IQANK1: variants seen among roughly 807,000 people sequenced by gnomAD.
IQANK1 encodes the protein IQ motif and ankyrin repeat domain-containing protein 1.
A neutral mutation model predicts 22.6 loss-of-function variants in IQANK1; 30 were observed. That is an observed-to-expected ratio of 1.33 (90% CI 0.99 to 1.80). The LOEUF is 1.80. Among genes scored for constraint, IQANK1 ranks in the 40% most tolerant of loss-of-function variants. The pLI is 0.00. For missense variants in IQANK1, 275 were observed against 235.2 expected (o/e 1.17, Z -1.11); for synonymous variants, 122 against 99.6 (o/e 1.23, Z -1.34).
Position 143,786,594 on chromosome 8 carries a change from C to A in IQANK1, c.790-2321C>A, listed in dbSNP as rs73718158. On this transcript the variant is annotated intron_variant, in intron 7 of 13. Transcript: ENST00000527139. ...GCTCATCCGTTCATGATTAGCCCAG[C>A]CACTGGACCAACTGACAGAAGACCT... is the stretch of plus-strand genomic sequence containing the variant. 3.6e-3 allele frequency among the ~76,000 whole-genome samples: 546 copies of A among 152,288 alleles called. 2 individuals carry two copies. Among genetic ancestry groups the A allele is most frequent in the African/African-American group, 0.012 (519 of 41,544 alleles).
At chr8:143,784,702 G>T (rs562045900) in intron 7 of IQANK1, among the ~76,000 whole-genome samples, 1 of 152,230 alleles carries the variant, frequency 6.6e-6, no homozygotes, top group South Asian at 2.1e-4. Context: ...CTTGAATATT[G>T]CTGGTCAGTA....
At chr8:143,780,948 G>A (rs995051521) in intron 7 of IQANK1, among the ~76,000 whole-genome samples, 1 of 152,112 alleles carries the variant, frequency 6.6e-6, no homozygotes, top group African/African-American at 2.4e-5. Flanking sequence ...CACCAACAGT[G>A]TGTGTGTGTT....
intron 7 of IQANK1, among the ~76,000 whole-genome samples, chr8:143,784,534 A>C (rs1303715581): frequency 6.6e-6 from 1 of 152,244 alleles, no homozygotes; most frequent in African/African-American, 2.4e-5. Context: ...AGAATGGACT[A>C]ATACAGATGT....
intron 3 of IQANK1, among the ~76,000 whole-genome samples, chr8:143,768,204 AAAAAT>A (rs1399218030): frequency 2.6e-5 from 4 of 151,940 alleles, no homozygotes; most frequent in African/African-American, 9.7e-5. Flanking sequence ...TCTAAAAATT[AAAAAT>A]AAAATAAAGC....
chr8:143,749,462 T>A (rs1172152002), intron 3 of IQANK1, among the ~76,000 whole-genome samples: 1 of 136,400 alleles, frequency 7.3e-6, no homozygotes, highest in Non-Finnish European at 1.5e-5. Flanking sequence ...ATATCATATA[T>A]AATATATAAA....
At chr8:143,740,899 G>C (rs1554626406) in intron 3 of IQANK1, among the ~76,000 whole-genome samples, 2 of 152,264 alleles carry the variant, frequency 1.3e-5, no homozygotes. Context: ...AAGGCCCCGT[G>C]GTATGTCAGT....
At chr8:143,773,385 C>A (rs1450787348) in intron 7 of IQANK1, among the ~76,000 whole-genome samples, 1 of 152,052 alleles carries the variant, frequency 6.6e-6, no homozygotes, top group Non-Finnish European at 1.5e-5. Context: ...GGACTTGTCC[C>A]AGGCCCAGGA....
chr8:143,752,995 CGT>C (rs1819222247), intron 3 of IQANK1, among the ~76,000 whole-genome samples: 4 of 74,744 alleles, frequency 5.4e-5, no homozygotes, highest in African/African-American at 1.9e-4. Context: ...ACTCTCTGTT[CGT>C]TTTTTTTTTT....
At chr8:143,756,813 A>T (rs1354489312) in intron 3 of IQANK1, among the ~76,000 whole-genome samples, 17 of 104,504 alleles carry the variant, frequency 1.6e-4, no homozygotes, top group African/African-American at 3.0e-4. Context: ...TAAAAAAATT[A>T]AAAAAAAAAA....
chr8:143,740,722 C>T (rs1171256070), intron 3 of IQANK1, among the ~76,000 whole-genome samples: 2 of 152,186 alleles, frequency 1.3e-5, no homozygotes, highest in East Asian at 3.9e-4. Flanking sequence ...GCACCGGCAG[C>T]CACCTGTCCT....
At chr8:143,739,638 G>C in intron 2 of IQANK1, 1 of 437,162 alleles carries the variant, frequency 2.3e-6, no homozygotes, top group Non-Finnish European at 4.0e-6. Context: ...GCTGGCTCTC[G>C]CCTGTGCCTC....
chr8:143,788,633 G>A (rs1477666139), intron 7 of IQANK1, among the ~76,000 whole-genome samples: 1 of 152,242 alleles, frequency 6.6e-6, no homozygotes, highest in Non-Finnish European at 1.5e-5. Flanking sequence ...GGGGACTGAA[G>A]GGGAAGGAAG....
At chr8:143,738,713 C>T (rs1233063958) in intron 2 of IQANK1, among the ~76,000 whole-genome samples, 3 of 152,178 alleles carry the variant, frequency 2.0e-5, no homozygotes, top group African/African-American at 7.2e-5. Flanking sequence ...CGCCCCATCC[C>T]GGCTCCCCCG....
rs145188230 is a variant in IQANK1 at position 143,757,952 on chromosome 8, TG to T, written c.176-13535del. Among the ~76,000 whole-genome samples, 1,045 of 152,332 alleles carry T rather than the reference TG, an allele frequency of 6.9e-3. 17 individuals carry two copies. Among genetic ancestry groups the T allele is most frequent in the African/African-American group, 0.024 (982 of 41,578 alleles). On this transcript the variant is annotated intron_variant, in intron 3 of 13. Coordinates refer to ENST00000527139, the MANE Select transcript of IQANK1 (RefSeq NM_001381874.1). ...GAGGCATTCAAGGTATTTGCTACTC[TG>T]TGTTCATTTAGTCCAATCAGGATAA...
chr8:143,776,489 G>A lies in IQANK1; in HGVS notation c.789+4007G>A, dbSNP rs1325279806. Among the ~76,000 whole-genome samples the A allele has an allele frequency of 2.6e-5, 4 of 152,152 alleles. No homozygotes were observed. In the East Asian group the frequency reaches 7.7e-4, roughly 29 times the overall value. ...CAACAAATCAGAAAGAGATCTCCAA[G>A]AGGCTGAAAATAAGCAAAGTGAGCC... On this transcript the variant is annotated intron_variant, in intron 7 of 13. Transcript: ENST00000527139.
chr8:143,738,548 G>A (rs530767446), intron 2 of IQANK1, among the ~76,000 whole-genome samples: 2 of 152,326 alleles, frequency 1.3e-5, no homozygotes, highest in Non-Finnish European at 2.9e-5. Context: ...GCGCTGACAC[G>A]GCGGCACGGG....
chr8:143,748,911 ATATC>A (rs1397809416), intron 3 of IQANK1, among the ~76,000 whole-genome samples: 5 of 118,836 alleles, frequency 4.2e-5, no homozygotes, highest in South Asian at 2.4e-4. Flanking sequence ...ATATACATAT[ATATC>A]TATATATAAA....
chr8:143,763,407 T>C (rs371077292), intron 3 of IQANK1, among the ~76,000 whole-genome samples: 6 of 152,240 alleles, frequency 3.9e-5, no homozygotes, highest in African/African-American at 9.6e-5. Flanking sequence ...AAGTATTTTA[T>C]ATTTATTAGC....
intron 1 of IQANK1, 118 bp downstream of exon 1, chr8:143,734,337 A>C (rs943756035): frequency 4.6e-5 from 7 of 151,840 alleles, no homozygotes; most frequent in African/African-American, 1.7e-4. Flanking sequence ...CCACACGTAG[A>C]CGAGGACCCC....
Sources: allele counts gnomAD v4.1 joint callset (sites outside exome capture counted in the v4.1 genomes callset), GRCh38; gene constraint gnomAD v4.1.1; transcripts MANE v1.5; gene names NCBI Gene and HGNC (gene_info 2026-07-23, HGNC 2026-07-21).